The following OR51B5 variants were observed in gnomAD, a reference collection of about 807,000 sequenced individuals.
OR51B5 encodes the protein olfactory receptor 51B5.
For missense variants in OR51B5, 456 were observed against 374.6 expected, an observed-to-expected ratio of 1.22 and a Z score of -1.79; for synonymous variants, 186 against 144.8, an observed-to-expected ratio of 1.28 and a Z score of -2.04.
chr11:5,372,101 C>T (rs2723379), intron 1 of OR51B5, among the ~76,000 whole-genome samples: 89,144 of 151,928 alleles, frequency 0.59, 26,258 homozygotes, highest in South Asian at 0.7. Context: ...TGATATCATA[C>T]ATACATATGA....
intron 1 of OR51B5, among the ~76,000 whole-genome samples, chr11:5,380,445 G>C (rs113124197): frequency 1.8e-3 from 268 of 152,312 alleles, no homozygotes; most frequent in African/African-American, 6.0e-3. Flanking sequence ...TTCTGGGAAG[G>C]ACTTGTTCTA....
downstream of OR51B5, chr11:5,340,351 ATTTC>A (rs1168337215): frequency 6.6e-6 from 1 of 152,016 alleles, no homozygotes; most frequent in East Asian, 1.9e-4. Context: ...ATTTATTATC[ATTTC>A]TTTATCTATA....
chr11:5,360,722 C>T (rs1849270562), intron 1 of OR51B5, among the ~76,000 whole-genome samples: 1 of 151,040 alleles, frequency 6.6e-6, no homozygotes, highest in African/African-American at 2.4e-5. Flanking sequence ...TTCACAATAG[C>T]AAAGACTTGG....
At chr11:5,397,917 T>A (rs1314053144) in intron 1 of OR51B5, among the ~76,000 whole-genome samples, 1 of 147,510 alleles carries the variant, frequency 6.8e-6, no homozygotes, top group Non-Finnish European at 1.5e-5. Context: ...TGGATGAAGC[T>A]GGAAACCATC....
At chr11:5,378,371 C>T (rs562747384) in intron 1 of OR51B5, among the ~76,000 whole-genome samples, 37 of 152,008 alleles carry the variant, frequency 2.4e-4, no homozygotes, top group African/African-American at 5.1e-4. Context: ...GAAGAAAACG[C>T]AGGCATTACC....
At chr11:5,428,846 G>T (rs766458147) in intron 1 of OR51B5, among the ~76,000 whole-genome samples, 8 of 152,110 alleles carry the variant, frequency 5.3e-5, no homozygotes, top group African/African-American at 1.9e-4. Flanking sequence ...CCTTTGTAAG[G>T]CTAATGAAAG....
chr11:5,373,352 A>G (rs550389345), intron 1 of OR51B5, among the ~76,000 whole-genome samples: 2 of 152,346 alleles, frequency 1.3e-5, no homozygotes, highest in African/African-American at 2.4e-5. Context: ...TTTTGAGCCA[A>G]GATGGCCAAA....
At chr11:5,344,810 AG>A (rs1848964863), upstream of OR51B5, among the ~76,000 whole-genome samples, 1 of 152,222 alleles carries the variant, frequency 6.6e-6, no homozygotes, top group Non-Finnish European at 1.5e-5. Flanking sequence ...AAAATAAATA[AG>A]ACAATTTTAA....
chr11:5,405,166 C>T (rs942962149), intron 1 of OR51B5, among the ~76,000 whole-genome samples: 3 of 152,162 alleles, frequency 2.0e-5, no homozygotes, highest in African/African-American at 7.2e-5. Context: ...AGATTTTTAA[C>T]ATAAAATATA....
chr11:5,441,556 T>G, intron 1 of OR51B5: 1 of 1,457,604 alleles, frequency 6.9e-7, no homozygotes, highest in Non-Finnish European at 9.4e-7. Context: ...AGAGGGTGTG[T>G]TGGGAAACTT....
At chr11:5,357,344 G>C (rs1449137740) in intron 1 of OR51B5, among the ~76,000 whole-genome samples, 1 of 150,758 alleles carries the variant, frequency 6.6e-6, no homozygotes, top group Non-Finnish European at 1.5e-5. Flanking sequence ...TGATAAAACA[G>C]GCTTTAAACC....
chr11:5,493,339 G>A (rs1361293595), intron 1 of OR51B5, among the ~76,000 whole-genome samples: 2 of 152,040 alleles, frequency 1.3e-5, no homozygotes, highest in Admixed American at 6.5e-5. Context: ...TTGAGAAATC[G>A]ATCTGCCTTT....
intron 1 of OR51B5, among the ~76,000 whole-genome samples, chr11:5,380,405 G>A (rs113414732): frequency 0.021 from 3,231 of 152,184 alleles, 112 homozygotes; most frequent in African/African-American, 0.071. Flanking sequence ...TGAAAGACCC[G>A]CATCGATCTC....
At position 5,478,715 on chromosome 11, in the gene OR51B5, C is replaced by T. The variant is rs796769217; in HGVS notation, n.84+26854G>A. Among the ~76,000 whole-genome samples, 1,349 of 151,562 alleles carry T rather than the reference C, an allele frequency of 8.9e-3. 13 individuals carry two copies. Among genetic ancestry groups the T allele is most frequent in the South Asian group, 0.018 (85 of 4,784 alleles). On this transcript the variant is annotated intron_variant and non_coding_transcript_variant, in intron 1 of 4. Coordinates refer to the OR51B5 transcript ENST00000415970. Reference sequence around the variant, plus strand: ...AGGCTCAAGAACTACGTGAAGAATGCAGAAGCCTCAGGAGCCGATGCGATC... The same window carrying T: ...AGGCTCAAGAACTACGTGAAGAATGTAGAAGCCTCAGGAGCCGATGCGATC...
intron 1 of OR51B5, among the ~76,000 whole-genome samples, chr11:5,431,862 T>C (rs1054026768): frequency 1.3e-5 from 2 of 152,222 alleles, no homozygotes; most frequent in Admixed American, 6.5e-5. Context: ...TCCATCTTTT[T>C]AAGTTTTTAA....
intron 1 of OR51B5, among the ~76,000 whole-genome samples, chr11:5,478,239 C>A (rs973971025): frequency 2.0e-5 from 3 of 152,048 alleles, no homozygotes; most frequent in African/African-American, 4.8e-5. Context: ...AGGCACCCCC[C>A]AGCAGGGGCA....
At chr11:5,435,140 A>T (rs1276971136) in intron 1 of OR51B5, among the ~76,000 whole-genome samples, 1 of 152,176 alleles carries the variant, frequency 6.6e-6, no homozygotes, top group Non-Finnish European at 1.5e-5. Flanking sequence ...CAAGAGTCCA[A>T]TCTTGTACCC....
exon 1 of OR51B5, chr11:5,343,519 C>G: frequency 1.1e-6 from 1 of 899,384 alleles, no homozygotes; most frequent in Non-Finnish European, 1.8e-6. Flanking sequence ...TGCCGCTGGA[C>G]GACATCCTGG....
intron 1 of OR51B5, among the ~76,000 whole-genome samples, chr11:5,450,939 A>C (rs956080704): frequency 6.6e-6 from 1 of 152,200 alleles, no homozygotes; most frequent in African/African-American, 2.4e-5. Context: ...AAAGTAAAAA[A>C]AAAAGAAAAA....
Sources: gnomAD v4.1 joint callset for allele counts (sites outside exome capture counted in the v4.1 genomes callset) on GRCh38, gnomAD v4.1.1 for gene constraint, MANE v1.5 for transcripts, NCBI Gene and HGNC (gene_info 2026-07-23, HGNC 2026-07-21) for gene names.